DLG2: variants seen among roughly 807,000 people sequenced by gnomAD.
DLG2 encodes discs large MAGUK scaffold protein 2, also known as disks large homolog 2.
In DLG2, 45 loss-of-function variants were observed where a neutral mutation model predicts 132.5. That is an observed-to-expected ratio of 0.34 (90% CI 0.27 to 0.44). DLG2 has a LOEUF of 0.44. DLG2 is among the 20% of genes least tolerant of loss of function. The pLI is 1.00. For missense variants in DLG2, 1,045 were observed against 1,196.9 expected (o/e 0.87, Z 1.87); for synonymous variants, 424 against 419.6 (o/e 1.01, Z -0.13).
chr11:83,864,048 C>A lies in DLG2; in HGVS notation c.1565+10372G>T, dbSNP rs190068423. The stretch of plus-strand genomic sequence containing the variant: ...GTGAAGAACATGGCTCTGTTCTATA[C>A]TTCCATGTAGCTCTTACAGACCTGT... On this transcript the variant is annotated intron_variant, in intron 16 of 27. Transcript: ENST00000376104. Among the ~76,000 whole-genome samples, 116 of 152,308 alleles carry A rather than the reference C, an allele frequency of 7.6e-4. 4 individuals carry two copies. The East Asian group carries it at 0.018, about 24-fold the overall frequency.
intron 9 of DLG2, among the ~76,000 whole-genome samples, chr11:84,111,243 T>C (rs1052006417): frequency 1.3e-5 from 2 of 152,240 alleles, no homozygotes; most frequent in African/African-American, 4.8e-5. Context: ...TATTTCCTAT[T>C]CTGCAATTCT....
At chr11:84,998,882 G>T (rs1267560144) in intron 6 of DLG2, among the ~76,000 whole-genome samples, 1 of 151,848 alleles carries the variant, frequency 6.6e-6, no homozygotes, top group African/African-American at 2.4e-5. Flanking sequence ...CCTAAAAGTA[G>T]CCCTGCTTCG....
At chr11:84,702,985 T>C (rs2059365348) in intron 6 of DLG2, among the ~76,000 whole-genome samples, 1 of 151,712 alleles carries the variant, frequency 6.6e-6, no homozygotes, top group African/African-American at 2.4e-5. Flanking sequence ...GAATCAACTT[T>C]TTCCTACAGA....
At chr11:83,970,712 G>A (rs1474550390) in intron 12 of DLG2, among the ~76,000 whole-genome samples, 1 of 152,042 alleles carries the variant, frequency 6.6e-6, no homozygotes, top group African/African-American at 2.4e-5. Context: ...AAAATGTGTT[G>A]GCCTATATAA....
chr11:84,591,857 TA>T (rs1329667018), intron 6 of DLG2, among the ~76,000 whole-genome samples: 1 of 151,994 alleles, frequency 6.6e-6, no homozygotes, highest in Non-Finnish European at 1.5e-5. Flanking sequence ...TTATTATTTT[TA>T]AAATTTATTT....
intron 5 of DLG2, among the ~76,000 whole-genome samples, chr11:85,147,112 C>A (rs981786392): frequency 6.6e-6 from 1 of 152,164 alleles, no homozygotes; most frequent in Non-Finnish European, 1.5e-5. Context: ...ATAGGCAATG[C>A]GAAACTGTCT....
At chr11:83,650,185 G>A (rs904286096) in intron 18 of DLG2, among the ~76,000 whole-genome samples, 1 of 152,176 alleles carries the variant, frequency 6.6e-6, no homozygotes, top group African/African-American at 2.4e-5. Flanking sequence ...TCCTAATCCC[G>A]AGAACTTGTG....
intron 7 of DLG2, among the ~76,000 whole-genome samples, chr11:84,418,785 C>T (rs1246837923): frequency 6.6e-6 from 1 of 152,166 alleles, no homozygotes; most frequent in Admixed American, 6.5e-5. Context: ...CTAAAATGCT[C>T]TTATCCCGTT....
At chr11:84,679,251 ATGAT>A (rs1217414816) in intron 6 of DLG2, among the ~76,000 whole-genome samples, 1 of 152,116 alleles carries the variant, frequency 6.6e-6, no homozygotes, top group African/African-American at 2.4e-5. Context: ...GCAGAATATA[ATGAT>A]TGATGTCTGC....
At chr11:83,851,776 C>T (rs888101494) in intron 16 of DLG2, among the ~76,000 whole-genome samples, 15 of 147,546 alleles carry the variant, frequency 1.0e-4, no homozygotes, top group African/African-American at 2.0e-4. Context: ...AAAAATTAGC[C>T]GGGCATGGTG....
chr11:84,422,360 C>T (rs542727030), intron 7 of DLG2, among the ~76,000 whole-genome samples: 3 of 152,096 alleles, frequency 2.0e-5, no homozygotes, highest in African/African-American at 7.2e-5. Context: ...AATAGCCTAC[C>T]GCAGTTCTGG....
At chr11:83,593,537 T>G (rs2097226802) in intron 19 of DLG2, among the ~76,000 whole-genome samples, 1 of 151,742 alleles carries the variant, frequency 6.6e-6, no homozygotes, top group Non-Finnish European at 1.5e-5. Context: ...GAGATATACC[T>G]AATGCTAGAT....
chr11:84,970,975 T>C (rs1447444193), intron 6 of DLG2, among the ~76,000 whole-genome samples: 3 of 152,206 alleles, frequency 2.0e-5, no homozygotes, highest in African/African-American at 7.2e-5. Context: ...ATGAGAATTG[T>C]AATTCACTAG....
chr11:83,764,518 T>C (rs1425201543), intron 18 of DLG2, among the ~76,000 whole-genome samples: 1 of 152,180 alleles, frequency 6.6e-6, no homozygotes, highest in Non-Finnish European at 1.5e-5. Context: ...TGAGGTTGGA[T>C]GGGAGTTACT....
intron 3 of DLG2, among the ~76,000 whole-genome samples, chr11:85,297,996 G>A (rs987214388): frequency 1.5e-4 from 23 of 152,144 alleles, no homozygotes; most frequent in East Asian, 9.6e-4. Flanking sequence ...AGGGACTGAA[G>A]TGCTTTGTCC....
intron 19 of DLG2, among the ~76,000 whole-genome samples, chr11:83,553,684 A>G (rs1482572160): frequency 6.6e-6 from 1 of 152,152 alleles, no homozygotes; most frequent in African/African-American, 2.4e-5. Flanking sequence ...ACTGTGCTGC[A>G]GTCTGACTTT....
intron 13 of DLG2, among the ~76,000 whole-genome samples, chr11:83,964,072 A>T (rs1032946439): frequency 2.6e-5 from 4 of 151,942 alleles, no homozygotes; most frequent in African/African-American, 9.7e-5. Flanking sequence ...GAAGGCCATG[A>T]TTCTATCTCC....
chr11:84,994,788 A>C (rs2057470652), intron 6 of DLG2, among the ~76,000 whole-genome samples: 1 of 152,112 alleles, frequency 6.6e-6, no homozygotes, highest in African/African-American at 2.4e-5. Context: ...TAATTTACAG[A>C]TAATGGGGGT....
At chr11:83,849,282 A>AAATAAATATATT (rs1295370053) in intron 16 of DLG2, among the ~76,000 whole-genome samples, 13 of 149,556 alleles carry the variant, frequency 8.7e-5, no homozygotes, top group African/African-American at 2.9e-4. Context: ...CCATATTAAT[A>AAATAAATATATT]AATAAGGGAG....
Sources: allele counts gnomAD v4.1 joint callset (sites outside exome capture counted in the v4.1 genomes callset), GRCh38; gene constraint gnomAD v4.1.1; transcripts MANE v1.5; gene names NCBI Gene and HGNC (gene_info 2026-07-23, HGNC 2026-07-21).